The following ANO2 variants were observed in gnomAD, a reference collection of about 807,000 sequenced individuals.
ANO2 encodes anoctamin 2.
In ANO2, 101 loss-of-function variants were observed where a neutral mutation model predicts 124.2. The observed-to-expected ratio is 0.81, with a 90% CI of 0.69 to 0.96. The LOEUF (loss-of-function observed/expected upper bound fraction) is 0.96. ANO2 is among the 40% of genes least tolerant of loss of function. The probability of loss-of-function intolerance (pLI) is 0.00; values close to 1 mark genes in which losing one functional copy is unlikely to be tolerated. For synonymous variants in ANO2, 486 were observed against 482.5 expected (o/e 1.01, Z -0.09); for missense variants, 1,293 against 1,274.5 (o/e 1.01, Z -0.22).
chr12:5,591,382 G>A (rs1565448327), intron 20 of ANO2, among the ~76,000 whole-genome samples: 1 of 152,096 alleles, frequency 6.6e-6, no homozygotes, highest in African/African-American at 2.4e-5. Flanking sequence ...AATGGTTTGG[G>A]GCAAAGTCTA....
chr12:5,923,496 C>T lies in ANO2; in HGVS notation c.23-692G>A, dbSNP rs1941935374. Among the ~76,000 whole-genome samples the T allele has an allele frequency of 2.0e-5, 3 of 152,316 alleles. No homozygotes were observed. In the South Asian group the frequency reaches 6.2e-4, roughly 32 times the overall value. On this transcript the variant is annotated intron_variant, in intron 1 of 24. Transcript: ENST00000682330. Reference sequence around the variant, plus strand: ...CTGGCACCCTGGCCAGCCCCCACCTCCCTCGGGGAGAGAGCAAGGACAGAC... The same window carrying T: ...CTGGCACCCTGGCCAGCCCCCACCTTCCTCGGGGAGAGAGCAAGGACAGAC...
At chr12:5,875,841 GC>G (rs1938061598) in intron 3 of ANO2, among the ~76,000 whole-genome samples, 1 of 151,728 alleles carries the variant, frequency 6.6e-6, no homozygotes, top group African/African-American at 2.4e-5. Flanking sequence ...GAGAGGAACA[GC>G]CCCTCTATGA....
intron 3 of ANO2, among the ~76,000 whole-genome samples, chr12:5,877,846 C>T (rs1938214986): frequency 6.6e-6 from 1 of 152,198 alleles, no homozygotes; most frequent in Admixed American, 6.5e-5. Flanking sequence ...TAAGGTTCAC[C>T]CTCCTATGAG....
chr12:5,842,818 A>G (rs1954559809), intron 4 of ANO2, among the ~76,000 whole-genome samples: 1 of 152,124 alleles, frequency 6.6e-6, no homozygotes, highest in Non-Finnish European at 1.5e-5. Context: ...CATCCGCCAC[A>G]CGGCCGTGAC....
chr12:5,746,101 A>G (rs1951258576), intron 11 of ANO2, among the ~76,000 whole-genome samples: 1 of 152,246 alleles, frequency 6.6e-6, no homozygotes, highest in Admixed American at 6.5e-5. Context: ...CATTTAACTT[A>G]GCGGTTTTTT....
At chr12:5,579,805 T>C (rs1942639737) in intron 20 of ANO2, among the ~76,000 whole-genome samples, 1 of 152,162 alleles carries the variant, frequency 6.6e-6, no homozygotes, top group Non-Finnish European at 1.5e-5. Context: ...CCCTCCTAAT[T>C]GTCCCCTGCC....
intron 19 of ANO2, among the ~76,000 whole-genome samples, chr12:5,606,267 T>C (rs1393805919): frequency 6.6e-6 from 1 of 152,200 alleles, no homozygotes; most frequent in Non-Finnish European, 1.5e-5. Flanking sequence ...TGGCCTTGCA[T>C]CTCATTAGAG....
chr12:5,855,368 G>T (rs1208253742), intron 3 of ANO2, among the ~76,000 whole-genome samples: 2 of 152,262 alleles, frequency 1.3e-5, no homozygotes, highest in Admixed American at 1.3e-4. Flanking sequence ...AAAATAAAAA[G>T]ATATTTTATG....
At chr12:5,939,213 C>CAAA (rs34787622) in intron 1 of ANO2, among the ~76,000 whole-genome samples, 15,656 of 86,414 alleles carry the variant, frequency 0.18, 2,089 homozygotes, top group East Asian at 0.58. Flanking sequence ...AAGACTCCAA[C>CAAA]AAAAAAAAAA....
intron 20 of ANO2, among the ~76,000 whole-genome samples, chr12:5,582,708 C>T (rs551025945): frequency 2.6e-5 from 4 of 152,298 alleles, no homozygotes; most frequent in African/African-American, 4.8e-5. Context: ...AGATCAACTC[C>T]GCCTGCCTTC....
chr12:5,619,609 C>T (rs967495150), intron 16 of ANO2, among the ~76,000 whole-genome samples: 3 of 152,120 alleles, frequency 2.0e-5, no homozygotes, highest in African/African-American at 4.8e-5. Flanking sequence ...AAGCCTGGGC[C>T]TTAATTTTTC....
intron 5 of ANO2, 33 bp from the exon 6 acceptor site, chr12:5,830,522 A>G: frequency 6.3e-7 from 1 of 1,596,202 alleles, no homozygotes; most frequent in African/African-American, 1.3e-5. Context: ...TGGCAAATTC[A>G]TTTCATTACC....
chr12:5,625,860 TTCTG>T (rs1354875082), intron 16 of ANO2, among the ~76,000 whole-genome samples: 1 of 152,098 alleles, frequency 6.6e-6, no homozygotes, highest in Admixed American at 6.6e-5. Context: ...CAGAAGACCT[TTCTG>T]TCTAAGAGTC....
intron 10 of ANO2, among the ~76,000 whole-genome samples, chr12:5,751,969 CA>C (rs1370005946): frequency 2.0e-5 from 3 of 152,148 alleles, no homozygotes; most frequent in South Asian, 2.1e-4. Flanking sequence ...GAGGTGGGAT[CA>C]TGCAGTATTT....
At chr12:5,937,758 C>G (rs1296793599) in intron 1 of ANO2, among the ~76,000 whole-genome samples, 1 of 152,100 alleles carries the variant, frequency 6.6e-6, no homozygotes, top group African/African-American at 2.4e-5. Context: ...AGGTGTTTCT[C>G]AAGAGGCTCT....
At chr12:5,883,700 G>A (rs1938678410) in intron 3 of ANO2, among the ~76,000 whole-genome samples, 1 of 152,122 alleles carries the variant, frequency 6.6e-6, no homozygotes, top group Non-Finnish European at 1.5e-5. Flanking sequence ...AGGAACTGGG[G>A]CTTGGCAAGA....
chr12:5,940,236 T>C (rs866258774), intron 1 of ANO2, among the ~76,000 whole-genome samples: 182 of 152,358 alleles, frequency 1.2e-3, no homozygotes, highest in African/African-American at 4.2e-3. Flanking sequence ...AAGGTGGGCA[T>C]GCCTCCAGTA....
chr12:5,836,864 A>T (rs1565710359), intron 4 of ANO2: 1 of 154,352 alleles, frequency 6.5e-6, no homozygotes, highest in Non-Finnish European at 1.5e-5. Context: ...CTTTTTTTAT[A>T]ACACTTATCA....
intron 7 of ANO2, among the ~76,000 whole-genome samples, chr12:5,817,919 C>G (rs1953661159): frequency 6.6e-6 from 1 of 152,056 alleles, no homozygotes; most frequent in South Asian, 2.1e-4. Context: ...GAAGAGAAAT[C>G]AAGGAAAATG....
Sources: gnomAD v4.1 joint callset for allele counts (sites outside exome capture counted in the v4.1 genomes callset) on GRCh38, gnomAD v4.1.1 for gene constraint, MANE v1.5 for transcripts, NCBI Gene and HGNC (gene_info 2026-07-23, HGNC 2026-07-21) for gene names.